Variants in UMODL1 observed in about 807,000 individuals in gnomAD.
UMODL1 encodes the protein uromodulin like 1.
In UMODL1, 128 loss-of-function variants were observed where a neutral mutation model predicts 136.3. The observed-to-expected ratio is 0.94, with a 90% CI of 0.81 to 1.09. UMODL1 has a LOEUF of 1.09. Ranked by LOEUF, UMODL1 falls within the 50% of genes least tolerant of loss-of-function variation. The probability of loss-of-function intolerance (pLI) is 0.00; values close to 1 mark genes in which losing one functional copy is unlikely to be tolerated. For missense variants in UMODL1, 1,766 were observed against 1,725.6 expected, an observed-to-expected ratio of 1.02 and a Z score of -0.41; for synonymous variants, 721 against 720.0, an observed-to-expected ratio of 1.00 and a Z score of -0.02.
intron 21 of UMODL1, among the ~76,000 whole-genome samples, chr21:42,135,690 C>T (rs150200520): frequency 1.2e-4 from 19 of 152,240 alleles, no homozygotes; most frequent in African/African-American, 3.9e-4. Context: ...GGGAAGTGGC[C>T]GGCCGGGATC....
At chr21:42,069,043 G>A (rs1004569889), upstream of UMODL1, among the ~76,000 whole-genome samples, 1 of 152,156 alleles carries the variant, frequency 6.6e-6, no homozygotes, top group Non-Finnish European at 1.5e-5. Context: ...GACACACCCC[G>A]GCATTGTTGG....
chr21:42,124,159 CA>C (rs1268366519), intron 17 of UMODL1, among the ~76,000 whole-genome samples: 1 of 152,238 alleles, frequency 6.6e-6, no homozygotes, highest in African/African-American at 2.4e-5. Context: ...TGTTCGTCTC[CA>C]ACCCCACTTG....
In UMODL1 at chr21:42,137,575, T is replaced by C. The variant is rs1278416662; in HGVS notation, c.3912T>C (p.Phe1304=). ...RYQRMNGRYN[F]KIQSNNFSYQ... is the part of the protein sequence containing the mutation. ...AGAGAATGAATGGGAGATACAACTT[T>C]AAAATCCAGTCCAACAACTTCAGCT... is the stretch of plus-strand genomic sequence containing the variant. Residue 1304 remains phenylalanine, a synonymous_variant, in exon 22 of 23, where the codon TTT becomes TTC. Coordinates refer to ENST00000408910, the MANE Select transcript of UMODL1 (RefSeq NM_001004416.3). 2 of 1,614,154 alleles carry C rather than the reference T, an allele frequency of 1.2e-6. No homozygotes were observed. Among genetic ancestry groups the C allele is most frequent in the Admixed American group, 3.3e-5 (2 of 60,026 alleles).
chr21:42,064,055 G>C (rs577142329), intron 1 of UMODL1, among the ~76,000 whole-genome samples: 1 of 152,150 alleles, frequency 6.6e-6, no homozygotes, highest in Non-Finnish European at 1.5e-5. Context: ...TGGATGCCTT[G>C]GGGCTTGGGG....
chr21:42,081,063 G>C (rs1045852703), intron 2 of UMODL1, among the ~76,000 whole-genome samples: 1 of 152,220 alleles, frequency 6.6e-6, no homozygotes, highest in Non-Finnish European at 1.5e-5. Flanking sequence ...CAGCATCTTA[G>C]CTGTGCTCTG....
intron 2 of UMODL1, among the ~76,000 whole-genome samples, chr21:42,077,037 G>GGTGGC (rs1166845744): frequency 7.2e-6 from 1 of 139,534 alleles, no homozygotes; most frequent in African/African-American, 3.3e-5. Flanking sequence ...GTGTGTGTGT[G>GGTGGC]TGTGTGTGTG....
chr21:42,085,757 AC>A lies in UMODL1; in HGVS notation c.603+348del, dbSNP rs1447717167. Among the ~76,000 whole-genome samples, 1 of 151,748 alleles carries A rather than the reference AC, an allele frequency of 6.6e-6. No homozygotes were observed. The highest frequency in any genetic ancestry group is 1.5e-5 in the Non-Finnish European group (1 of 67,940). Reference sequence around the variant, plus strand: ...CTAAGCCCCGAGCTCTTCCCTCACCACCCTCAGTCCCAATTTCTTCAAGTTC... The same window carrying A: ...CTAAGCCCCGAGCTCTTCCCTCACCACCTCAGTCCCAATTTCTTCAAGTTC... On this transcript the variant is annotated intron_variant, in intron 4 of 22. Transcript: ENST00000408910. This position sits in a 1 kb window ranked among gnomAD's most constrained non-coding sequence, Gnocchi z 4.5.
chr21:42,137,317 C>T (rs2067217537), intron 21 of UMODL1, 122 bp from the exon 22 acceptor site: 1 of 1,249,194 alleles, frequency 8.0e-7, no homozygotes, highest in South Asian at 1.3e-5. Flanking sequence ...CACGGGTGCA[C>T]ACGTGGGCCT....
At chr21:42,084,708 G>T (rs2066405071) in intron 3 of UMODL1, among the ~76,000 whole-genome samples, 1 of 151,394 alleles carries the variant, frequency 6.6e-6, no homozygotes, top group African/African-American at 2.4e-5. Context: ...GGGAGAATGG[G>T]ATGGCCTATA....
intron 15 of UMODL1, among the ~76,000 whole-genome samples, chr21:42,120,290 C>A (rs563666105): frequency 6.6e-6 from 1 of 152,224 alleles, no homozygotes; most frequent in Non-Finnish European, 1.5e-5. Flanking sequence ...ATAAATCAAA[C>A]GCTTTCAAAG....
chr21:42,131,996 T>C (rs770362065), intron 21 of UMODL1, among the ~76,000 whole-genome samples: 16 of 152,214 alleles, frequency 1.1e-4, no homozygotes, highest in Non-Finnish European at 2.1e-4. Flanking sequence ...ATTGATATCA[T>C]AGGGAATGTC....
At chr21:42,113,929 G>C in intron 13 of UMODL1, 99 bp downstream of exon 13, 2 of 1,459,740 alleles carry the variant, frequency 1.4e-6, no homozygotes, top group Non-Finnish European at 9.2e-7. Flanking sequence ...TTTATGGGCT[G>C]CTAGGTGTCA....
rs1220332580 is a variant in UMODL1 at position 42,113,721 on chromosome 21, C to T, written c.2253C>T (p.Asn751=). Residue 751 remains asparagine (N), a synonymous_variant, in exon 13 of 23, where the codon AAC becomes AAT. Coordinates refer to ENST00000408910, the MANE Select transcript of UMODL1 (RefSeq NM_001004416.3). ...WSPAVVLETW[N]TSVTLSGLEP... The stretch of plus-strand genomic sequence containing the variant: ...CTGCTGTGGTCCTAGAGACCTGGAA[C>T]ACGAGTGTGACACTGTCGGGGCTGG... The T allele has an allele frequency of 5.6e-6, 9 of 1,614,094 alleles. No individual in the cohort carries two copies. The South Asian group carries it at 8.8e-5, about 16-fold the overall frequency.
At chr21:42,137,780 G>A in intron 22 of UMODL1, 139 bp downstream of exon 22, 1 of 1,039,346 alleles carries the variant, frequency 9.6e-7, no homozygotes, top group Non-Finnish European at 1.4e-6. Context: ...TGTGGAGTGG[G>A]GTAGGAGGTG....
At chr21:42,136,770 CTTTT>C (rs926311509) in intron 21 of UMODL1, among the ~76,000 whole-genome samples, 4 of 150,162 alleles carry the variant, frequency 2.7e-5, no homozygotes, top group African/African-American at 9.8e-5. Context: ...TTTTTTCTTT[CTTTT>C]TTGAGACCGA....
rs370873052 is a variant in UMODL1 at position 42,126,352 on chromosome 21, C to T, written c.3155C>T (p.Thr1052Met). 8.1e-6 allele frequency: 13 copies of T among 1,613,970 alleles called. No individual in the cohort carries two copies. The highest frequency in any genetic ancestry group is 1.6e-4 in the Middle Eastern group (1 of 6,084). The change falls in exon 18 of 23, where the codon ACG (threonine) becomes ATG (methionine). Residue 1052 changes from threonine (T) to methionine (M), a missense_variant. Thr to Met is a moderately conservative substitution (Grantham distance 81). Transcript: ENST00000408910. ...ECGTLMQSNM[T>M]NTVVRTTLRN... is the part of the protein sequence containing the mutation. ...GCTCCGCTTTGTGCTCAGAACATGA[C>T]GAACACCGTGGTGAGGACCACGCTG...
intron 5 of UMODL1, among the ~76,000 whole-genome samples, chr21:42,089,887 C>A (rs1455774360): frequency 6.6e-6 from 1 of 152,182 alleles, no homozygotes; most frequent in Admixed American, 6.5e-5. Context: ...GTTTGGGAGG[C>A]CTGGGCCAGC....
In UMODL1 at chr21:42,119,242, C is replaced by G. The variant is rs2066938587; in HGVS notation, c.2607C>G (p.Val869=). 1.9e-6 allele frequency: 3 copies of G among 1,614,090 alleles called. No homozygotes were observed. The highest frequency in any genetic ancestry group is 2.5e-6 in the Non-Finnish European group (3 of 1,180,046). ...FHLLIIADVD[V]QEVSAAFLTA... ...TGCTGATAATCGCAGATGTGGATGT[C>G]CAGGAGGTGTCAGCTGCATTTCTCA... Residue 869 remains valine, a synonymous_variant, in exon 15 of 23, where the codon GTC becomes GTG. Transcript: ENST00000408910.
At chr21:42,072,755 G>C (rs905969278) in intron 1 of UMODL1, among the ~76,000 whole-genome samples, 4 of 152,202 alleles carry the variant, frequency 2.6e-5, no homozygotes, top group Admixed American at 2.0e-4. Context: ...GCCTGGGTGT[G>C]AGCACAGGTC....
Sources: gnomAD v4.1 joint callset for allele counts (sites outside exome capture counted in the v4.1 genomes callset) on GRCh38, gnomAD v4.1.1 for gene constraint, Gnocchi (gnomAD v3.1) non-coding constraint, MANE v1.5 for transcripts, NCBI Gene and HGNC (gene_info 2026-07-23, HGNC 2026-07-21) for gene names.